The following ARHGEF37 variants were observed in gnomAD, a reference collection of about 807,000 sequenced individuals.
The protein encoded by ARHGEF37 is Rho guanine nucleotide exchange factor (GEF) 37.
In ARHGEF37, 55 loss-of-function variants were observed where a neutral mutation model predicts 71.1. That is an observed-to-expected ratio of 0.77 (90% CI 0.62 to 0.97). The LOEUF is 0.97. Among genes scored for constraint, ARHGEF37 ranks in the 50% least tolerant of loss-of-function variants. ARHGEF37 has a pLI of 0.00. For synonymous variants in ARHGEF37, 327 were observed against 350.6 expected (o/e 0.93, Z 0.75); for missense variants, 765 against 836.8 (o/e 0.91, Z 1.06).
chr5:149,557,063 GT>G (rs1013318831), intron 1 of ARHGEF37, among the ~76,000 whole-genome samples: 1 of 152,210 alleles, frequency 6.6e-6, no homozygotes, highest in Admixed American at 6.6e-5. Context: ...CTATGACAGT[GT>G]TTTGCGGTGG....
intron 10 of ARHGEF37, among the ~76,000 whole-genome samples, chr5:149,625,056 G>A (rs1177934967): frequency 2.0e-5 from 3 of 151,560 alleles, no homozygotes; most frequent in Admixed American, 6.6e-5. Context: ...CCACCACTAC[G>A]CCTGGCTAAT....
At chr5:149,558,058 C>T (rs917985591) in intron 1 of ARHGEF37, among the ~76,000 whole-genome samples, 88 of 151,978 alleles carry the variant, frequency 5.8e-4, no homozygotes, top group African/African-American at 2.1e-3. Flanking sequence ...TAGAGATGGG[C>T]AGAGACGGGG....
chr5:149,592,606 T>C (rs1413813005), intron 1 of ARHGEF37, among the ~76,000 whole-genome samples: 4 of 152,244 alleles, frequency 2.6e-5, no homozygotes, highest in Admixed American at 6.5e-5. Context: ...TGAACACTTA[T>C]GTACAGGTTT....
At chr5:149,563,062 C>G (rs374590815) in intron 1 of ARHGEF37, among the ~76,000 whole-genome samples, 2 of 152,186 alleles carry the variant, frequency 1.3e-5, no homozygotes, top group Admixed American at 6.5e-5. Flanking sequence ...CCATCTTCAT[C>G]GTGTCTGAAT....
At position 149,620,425 on chromosome 5, in the gene ARHGEF37, T is replaced by C; in HGVS notation, c.966T>C (p.Asn322=). The C allele has an allele frequency of 6.2e-7, 1 of 1,612,542 alleles. No individual in the cohort carries two copies. Among genetic ancestry groups the C allele is most frequent in the Non-Finnish European group, 8.5e-7 (1 of 1,179,382 alleles). Residue 322 remains asparagine, a synonymous_variant, in exon 8 of 13, where the codon AAT becomes AAC. Transcript: ENST00000333677. ...IPEGPAVQYC[N]LARDLHLEAF... Reference sequence around the variant, plus strand: ...AGGGGCCTGCAGTGCAGTATTGCAATTTGGCAAGAGACCTTCACCTTGAGG... The same window carrying C: ...AGGGGCCTGCAGTGCAGTATTGCAACTTGGCAAGAGACCTTCACCTTGAGG...
intron 1 of ARHGEF37, among the ~76,000 whole-genome samples, chr5:149,553,077 C>T (rs917417834): frequency 5.9e-5 from 9 of 151,998 alleles, no homozygotes; most frequent in African/African-American, 2.2e-4. Context: ...CATGTTTTGA[C>T]TAAGTTAAAA....
intron 10 of ARHGEF37, among the ~76,000 whole-genome samples, chr5:149,624,542 G>A (rs891417606): frequency 7.9e-5 from 12 of 152,232 alleles, no homozygotes; most frequent in South Asian, 4.1e-4. Context: ...GGGAGGCCGA[G>A]GTGGGTGGAT....
chr5:149,595,753 T>C (rs2113298626), intron 1 of ARHGEF37, among the ~76,000 whole-genome samples: 1 of 152,282 alleles, frequency 6.6e-6, no homozygotes, highest in East Asian at 1.9e-4. Context: ...CCACTCAGAA[T>C]TCAGGATTTC....
intron 10 of ARHGEF37, among the ~76,000 whole-genome samples, chr5:149,624,798 A>G (rs1481126540): frequency 6.6e-6 from 1 of 152,078 alleles, no homozygotes; most frequent in Non-Finnish European, 1.5e-5. Flanking sequence ...AATTTTGATT[A>G]TGTCATTTAA....
At chr5:149,620,665 A>G (rs1292089972) in intron 8 of ARHGEF37, among the ~76,000 whole-genome samples, 1 of 152,106 alleles carries the variant, frequency 6.6e-6, no homozygotes, top group African/African-American at 2.4e-5. Context: ...CCCCGTCTCT[A>G]CTAAAAATAC....
At chr5:149,590,965 T>C (rs1430830425) in intron 1 of ARHGEF37, among the ~76,000 whole-genome samples, 1 of 152,256 alleles carries the variant, frequency 6.6e-6, no homozygotes, top group Non-Finnish European at 1.5e-5. Context: ...ACATGTATTA[T>C]ACCAATGCCC....
chr5:149,631,409 G>A (rs1752882154), intron 12 of ARHGEF37, among the ~76,000 whole-genome samples: 2 of 152,096 alleles, frequency 1.3e-5, no homozygotes, highest in Non-Finnish European at 2.9e-5. Context: ...GATCTCAGGT[G>A]ATCTGCCCTC....
chr5:149,598,750 CTAT>C (rs1763653613), intron 2 of ARHGEF37, among the ~76,000 whole-genome samples: 3 of 44,886 alleles, frequency 6.7e-5, no homozygotes, highest in Non-Finnish European at 1.6e-4. Context: ...ATATATATAT[CTAT>C]ATATAGATAT....
intron 4 of ARHGEF37, among the ~76,000 whole-genome samples, chr5:149,610,373 C>G (rs1764043259): frequency 6.6e-6 from 1 of 152,082 alleles, no homozygotes; most frequent in African/African-American, 2.4e-5. Flanking sequence ...GAATTAGCAC[C>G]AATGGGTAGA....
At chr5:149,602,430 G>A (rs1298507589) in intron 3 of ARHGEF37, among the ~76,000 whole-genome samples, 3 of 151,978 alleles carry the variant, frequency 2.0e-5, no homozygotes, top group Middle Eastern at 3.2e-3. Context: ...TGGAAGCAGC[G>A]AGATCAGTTG....
chr5:149,578,701 C>T (rs910184562), upstream of ARHGEF37, among the ~76,000 whole-genome samples: 1 of 152,048 alleles, frequency 6.6e-6, no homozygotes, highest in Non-Finnish European at 1.5e-5. Context: ...GAAGTGAAAG[C>T]GAACCCTTTT....
At position 149,627,089 on chromosome 5, in the gene ARHGEF37, G is replaced by A. The variant is rs1282057529; in HGVS notation, c.1478G>A (p.Gly493Glu). The stretch of plus-strand genomic sequence containing the variant: ...CTCCTCTCCCAGCCGCTCCTTCCAG[G>A]GTCTGAACGCCAGGTGCAGGCTCTC... ...PPPTTQPLLP[G>E]SERQVQALLS... The change falls in exon 11 of 13, where the codon GGG (glycine) becomes GAG (glutamate). Residue 493 changes from glycine to glutamate, a missense_variant. Physicochemically the swap from Gly to Glu is moderately conservative, Grantham distance 98. This residue lies in a region of ARHGEF37 where 390 missense variants were observed against 407.4 expected (regional missense o/e 0.96). Coordinates refer to ENST00000333677, the MANE Select transcript of ARHGEF37 (RefSeq NM_001001669.3). 6 of 1,613,158 alleles carry A rather than the reference G, an allele frequency of 3.7e-6. No individual in the cohort carries two copies. The highest frequency in any genetic ancestry group is 4.2e-6 in the Non-Finnish European group (5 of 1,179,532).
intron 1 of ARHGEF37, among the ~76,000 whole-genome samples, chr5:149,567,598 G>C (rs1164564588): frequency 1.3e-5 from 2 of 152,034 alleles, no homozygotes; most frequent in African/African-American, 4.8e-5. Context: ...ATTTATATCA[G>C]TATGAACTTA....
chr5:149,578,689 T>C (rs1763053216), upstream of ARHGEF37, among the ~76,000 whole-genome samples: 1 of 152,226 alleles, frequency 6.6e-6, no homozygotes, highest in Non-Finnish European at 1.5e-5. Flanking sequence ...CTGTCAAAGG[T>C]AGAAGTGAAA....
Sources: gnomAD v4.1 joint callset for allele counts (sites outside exome capture counted in the v4.1 genomes callset) on GRCh38, gnomAD v4.1.1 for gene constraint, gnomAD v4.1.1 regional missense constraint, MANE v1.5 for transcripts, NCBI Gene and HGNC (gene_info 2026-07-23, HGNC 2026-07-21) for gene names.